The following UPF2 variants were observed in gnomAD, a reference collection of about 807,000 sequenced individuals.
UPF2 encodes the protein regulator of nonsense transcripts 2.
UPF2 carries 17 observed loss-of-function variants against 141.4 expected under a neutral mutation model. The observed-to-expected ratio is 0.12, with a 90% CI of 0.08 to 0.18. The LOEUF is 0.18. Among genes scored for constraint, UPF2 ranks in the 10% least tolerant of loss-of-function variants. UPF2 has a pLI of 1.00. For missense variants in UPF2, 1,152 were observed against 1,515.9 expected, an observed-to-expected ratio of 0.76 and a Z score of 3.99; for synonymous variants, 540 against 498.0, an observed-to-expected ratio of 1.08 and a Z score of -1.12.
In UPF2 at chr10:12,042,026, G is replaced by A. The variant is rs186279261; in HGVS notation, c.-19+729C>T. ...CAGTCCTAGCAAGAAGAGAGTGCTT[G>A]GCGCCTTGAAGAGGTGAAGGTAAAG... On this transcript the variant is annotated intron_variant, in intron 1 of 21. Coordinates refer to ENST00000357604, the MANE Select transcript of UPF2 (RefSeq NM_015542.4). The surrounding 1 kb of genome is among the most constrained non-coding windows in gnomAD (Gnocchi z 5.5). Among the ~76,000 whole-genome samples the A allele has an allele frequency of 4.0e-4, 61 of 152,212 alleles. No homozygotes were observed. In the East Asian group the frequency reaches 0.011, roughly 27 times the overall value.
chr10:12,015,931 G>A (rs1193861928), intron 3 of UPF2, among the ~76,000 whole-genome samples: 1 of 151,998 alleles, frequency 6.6e-6, no homozygotes, highest in Non-Finnish European at 1.5e-5. Context: ...TGTTGAAATA[G>A]TTTAACCATA....
rs541384821 is a variant in UPF2, at chr10:11,948,658, G to C, written c.3035-150C>G. 30 of 922,338 alleles carry C rather than the reference G, an allele frequency of 3.3e-5. No individual in the cohort carries two copies. The Admixed American group carries it at 7.1e-4, about 22-fold the overall frequency. The allele number at this position is 922,338 out of a possible 1,614,324, so 57.1% of individuals were successfully genotyped here. ...GTAAAAGAATTAAAAACTACGGTGA[G>C]AAACATTTAAAAAACTAAATGTGTA... On this transcript the variant is annotated intron_variant, in intron 15 of 21. Transcript: ENST00000357604.
At chr10:12,010,075 A>C (rs1256497606) in intron 4 of UPF2, among the ~76,000 whole-genome samples, 1 of 152,218 alleles carries the variant, frequency 6.6e-6, no homozygotes, top group East Asian at 1.9e-4. Context: ...CAGTATTAGG[A>C]AAAATTAGCT....
At chr10:12,022,356 G>C (rs1322782421) in intron 3 of UPF2, among the ~76,000 whole-genome samples, 1 of 150,736 alleles carries the variant, frequency 6.6e-6, no homozygotes, top group African/African-American at 2.4e-5. Context: ...AGGTTGCAGA[G>C]AGCTGAGATC....
chr10:11,987,175 T>C (rs970064797), intron 8 of UPF2, among the ~76,000 whole-genome samples: 4 of 152,192 alleles, frequency 2.6e-5, no homozygotes, highest in African/African-American at 9.7e-5. Context: ...ATGTATACTT[T>C]AGATATAAAC....
chr10:11,953,693 T>C lies in UPF2; in HGVS notation c.2851-1444A>G, dbSNP rs1290078929. Reference sequence around the variant, plus strand: ...TTTGCAGCAAAACTCTGGCTTTTAATACAGTATCCAACTTAAGATGGTCCT... The same window carrying C: ...TTTGCAGCAAAACTCTGGCTTTTAACACAGTATCCAACTTAAGATGGTCCT... On this transcript the variant is annotated intron_variant, in intron 14 of 21. Transcript: ENST00000357604. This position sits in a 1 kb window ranked among gnomAD's most constrained non-coding sequence, Gnocchi z 5.0. Among the ~76,000 whole-genome samples the C allele has an allele frequency of 1.3e-5, 2 of 152,226 alleles. No homozygotes were observed. The highest frequency in any genetic ancestry group is 4.8e-5 in the African/African-American group (2 of 41,462).
chr10:11,922,045 C>T (rs1334040101), intron 21 of UPF2, among the ~76,000 whole-genome samples: 2 of 152,108 alleles, frequency 1.3e-5, no homozygotes, highest in Non-Finnish European at 2.9e-5. Flanking sequence ...CAGACACACA[C>T]AGGGGGAAAA....
rs1408920536 is a variant in UPF2 at position 11,936,830 on chromosome 10, A to ATT, written c.3379-119_3379-118insAA. On this transcript the variant is annotated intron_variant, in intron 18 of 21. Coordinates refer to ENST00000357604, the MANE Select transcript of UPF2 (RefSeq NM_015542.4). This position sits in a 1 kb window ranked among gnomAD's most constrained non-coding sequence, Gnocchi z 6.6. ...TTAAAACACAACAATCATAAGAGCC[A>ATT]TAACAGTCAACAATTACAACCACCA... The ATT allele has an allele frequency of 1.0e-6, 1 of 989,240 alleles. No individual in the cohort carries two copies. The highest frequency in any genetic ancestry group is 1.7e-5 in the African/African-American group (1 of 59,718). The allele number at this position is 989,240 out of a possible 1,614,324, so 61.3% of individuals were successfully genotyped here. A position where few individuals can be genotyped will look rare whatever the true frequency, so the allele number is the denominator to read the frequency against.
chr10:12,004,048 T>G (rs2131270181), intron 5 of UPF2, among the ~76,000 whole-genome samples: 1 of 150,806 alleles, frequency 6.6e-6, no homozygotes, highest in South Asian at 2.1e-4. Flanking sequence ...CAGCAGCAAA[T>G]GTAAGACAAA....
intron 18 of UPF2, among the ~76,000 whole-genome samples, chr10:11,938,842 GTTTTTTTTTTGTTTTTTTTTTT>G (rs1403938613): frequency 1.4e-3 from 64 of 45,870 alleles, no homozygotes; most frequent in African/African-American, 4.1e-3. Flanking sequence ...TCTTAAGCAA[GTTTTTTTTTTGTTTTTTTTTTT>G]TTTTTTTTTT....
In UPF2 at chr10:12,035,075, C is replaced by T. The variant is rs1471974887; in HGVS notation, c.349G>A (p.Ala117Thr). Residue 117 changes from alanine to threonine, a missense_variant, in exon 2 of 22, where the codon GCA becomes ACA. Ala to Thr is a moderately conservative substitution (Grantham distance 58, BLOSUM62 0). This residue lies in a region of UPF2 where 145 missense variants were observed against 136.5 expected (regional missense o/e 1.06). Coordinates refer to ENST00000357604, the MANE Select transcript of UPF2 (RefSeq NM_015542.4). Reference protein sequence around the residue: ...EQAKRQQEEEAAAQMKEKEES... With the variant: ...EQAKRQQEEETAAQMKEKEES... Reference sequence around the variant, plus strand: ...CTGCCTTACTTCATCTGAGCAGCTGCTTCTTCTTCTTGCTGACGTTTGGCC... The same window carrying T: ...CTGCCTTACTTCATCTGAGCAGCTGTTTCTTCTTCTTGCTGACGTTTGGCC... 9.6e-6 allele frequency: 15 copies of T among 1,567,968 alleles called. No homozygotes were observed. Among genetic ancestry groups the T allele is most frequent in the Non-Finnish European group, 1.3e-5 (15 of 1,167,184 alleles).
In UPF2 at chr10:12,034,959, G is replaced by A; in HGVS notation, c.365+100C>T. The A allele has an allele frequency of 4.1e-6, 6 of 1,474,294 alleles. No homozygotes were observed. In the South Asian group the frequency reaches 5.7e-5, roughly 14 times the overall value. 91.3% of individuals were successfully genotyped at this position (1,474,294 alleles called of 1,614,324 possible). ...AATTAAGATACTCCCAATTCTTAAA[G>A]AGCTGCACCCAGGACGCTATATTTC... On this transcript the variant is annotated intron_variant, in intron 2 of 21. Coordinates refer to ENST00000357604, the MANE Select transcript of UPF2 (RefSeq NM_015542.4).
Position 12,016,217 on chromosome 10 carries a change from AT to A in UPF2, c.1146-2034del, listed in dbSNP as rs1564367544. On this transcript the variant is annotated intron_variant, in intron 3 of 21. Coordinates refer to ENST00000357604, the MANE Select transcript of UPF2 (RefSeq NM_015542.4). The surrounding 1 kb of genome is among the most constrained non-coding windows in gnomAD (Gnocchi z 4.1). The stretch of plus-strand genomic sequence containing the variant: ...GGAAGTGAAAAGTCATTTAAAAAAA[AT>A]TTTTTTTAATTTACTTTTATTTTTT... Among the ~76,000 whole-genome samples the A allele has an allele frequency of 6.6e-6, 1 of 151,896 alleles. No homozygotes were observed. The highest frequency in any genetic ancestry group is 1.9e-4 in the East Asian group (1 of 5,162).
intron 21 of UPF2, 87 bp downstream of exon 21, chr10:11,929,778 C>T (rs1832760091): frequency 3.3e-6 from 5 of 1,513,212 alleles, no homozygotes. Flanking sequence ...CGGGCCTTTG[C>T]CAAAAACTAT....
At chr10:12,013,946 C>G in intron 4 of UPF2, 78 bp downstream of exon 4, 1 of 1,330,134 alleles carries the variant, frequency 7.5e-7, no homozygotes, top group South Asian at 2.3e-5. Context: ...ATTCTCAATA[C>G]TGCACATCTG....
At chr10:11,946,344 C>T (rs763416031) in intron 16 of UPF2, among the ~76,000 whole-genome samples, 1 of 152,186 alleles carries the variant, frequency 6.6e-6, no homozygotes. Context: ...TGAGTCCTTT[C>T]TCTTTAATTC....
intron 4 of UPF2, among the ~76,000 whole-genome samples, chr10:12,012,103 C>T (rs1834138264): frequency 6.7e-6 from 1 of 150,028 alleles, no homozygotes; most frequent in African/African-American, 2.5e-5. Flanking sequence ...CGGAGTCTTG[C>T]CCAGGCTGGA....
chr10:12,023,862 C>T (rs539013004), intron 3 of UPF2, among the ~76,000 whole-genome samples: 2 of 151,360 alleles, frequency 1.3e-5, no homozygotes, highest in African/African-American at 4.9e-5. Context: ...TGTGGTGGCA[C>T]GTGCCTATGG....
chr10:11,960,775 T>TA (rs546012582), intron 11 of UPF2, among the ~76,000 whole-genome samples: 1,478 of 131,610 alleles, frequency 0.011, 18 homozygotes, highest in South Asian at 0.028. Flanking sequence ...TATCTCTTAA[T>TA]AAAAAAAAAA....
Sources: gnomAD v4.1 joint callset for allele counts (sites outside exome capture counted in the v4.1 genomes callset) on GRCh38, gnomAD v4.1.1 for gene constraint, gnomAD v4.1.1 regional missense constraint, Gnocchi (gnomAD v3.1) non-coding constraint, MANE v1.5 for transcripts, NCBI Gene and HGNC (gene_info 2026-07-23, HGNC 2026-07-21) for gene names.